CFAP157: variants seen among roughly 807,000 people sequenced by gnomAD.
CFAP157 encodes the protein cilia and flagella associated protein 157.
A neutral mutation model predicts 57.8 loss-of-function variants in CFAP157; 43 were observed. The observed-to-expected ratio is 0.74, with a 90% CI of 0.58 to 0.96. The LOEUF (loss-of-function observed/expected upper bound fraction) is 0.96. Among genes scored for constraint, CFAP157 ranks in the 40% least tolerant of loss-of-function variants. CFAP157 has a pLI of 0.00. For missense variants in CFAP157, 606 were observed against 655.3 expected (o/e 0.92, Z 0.82); for synonymous variants, 267 against 269.0 (o/e 0.99, Z 0.07).
At chr9:127,707,488 T>C (rs1842673579) in intron 1 of CFAP157, among the ~76,000 whole-genome samples, 1 of 150,908 alleles carries the variant, frequency 6.6e-6, no homozygotes, top group African/African-American at 2.4e-5. Flanking sequence ...TCCTGCCCCA[T>C]GGGATCACAG....
chr9:127,714,924 C>CCCCCCCCCCCCCCCAA lies in CFAP157; in HGVS notation c.*1019_*1020insCCCCCCCCCCCCCCAA. ...GTGCTCCCCTCTGGCCCCCGCGCCCCAACCCCCACCCCCTTGGCCCGCCCG... is the reference window on the plus strand; with the variant it reads ...GTGCTCCCCTCTGGCCCCCGCGCCCCCCCCCCCCCCCCCCAAAACCCCCACCCCCTTGGCCCGCCCG... On this transcript the variant is annotated 3_prime_UTR_variant, in exon 9 of 9. Coordinates refer to ENST00000373295, the MANE Select transcript of CFAP157 (RefSeq NM_001012502.3). 1 of 828,396 alleles carries CCCCCCCCCCCCCCCAA rather than the reference C, an allele frequency of 1.2e-6. No individual in the cohort carries two copies. 51.3% of individuals were successfully genotyped at this position (828,396 alleles called of 1,614,324 possible).
rs368267934 is a variant in CFAP157, at chr9:127,711,965, C to T, written c.986+15C>T. On this transcript the variant is annotated intron_variant, in intron 5 of 8. Coordinates refer to ENST00000373295, the MANE Select transcript of CFAP157 (RefSeq NM_001012502.3). ...CAGGCACTGAAGTGCGTATGGCCCA[C>T]GGAGGGGCGGGCGGCGGGTGCAGGC... is the stretch of plus-strand genomic sequence containing the variant. 30 of 1,600,560 alleles carry T rather than the reference C, an allele frequency of 1.9e-5. No homozygotes were observed. Among genetic ancestry groups the T allele is most frequent in the South Asian group, 3.4e-5 (3 of 88,632 alleles).
Position 127,707,205 on chromosome 9 carries a change from G to C in CFAP157, c.161+13G>C, listed in dbSNP as rs532700470. ...ACCGGCTAGCCCGGTGCGTGGGCTG[G>C]CGGGCAGGAGTCTGGTGCCCTGGGT... On this transcript the variant is annotated intron_variant, in intron 1 of 8. Transcript: ENST00000373295. 128 of 1,606,956 alleles carry C rather than the reference G, an allele frequency of 8.0e-5. 1 individual carries two copies. In the South Asian group the frequency reaches 1.3e-3, roughly 16 times the overall value.
chr9:127,711,402 A>C lies in CFAP157; in HGVS notation c.761A>C (p.Gln254Pro). The C allele has an allele frequency of 1.2e-6, 2 of 1,614,208 alleles. No homozygotes were observed. Among genetic ancestry groups the C allele is most frequent in the Non-Finnish European group, 1.7e-6 (2 of 1,180,052 alleles). Residue 254 changes from glutamine to proline, a missense_variant, in exon 4 of 9, where the codon CAG (glutamine) becomes CCG (proline). Physicochemically the swap from Gln to Pro is moderately conservative, Grantham distance 76. Transcript: ENST00000373295. ...ATGAAGCTGCTGCAGGAGAATGAGC[A>C]GCTCAAGGGAAGACAGAACAATCTG... ...QGMKLLQENE[Q>P]LKGRQNNLCK...
Position 127,715,983 on chromosome 9 carries a change from A to G in CFAP157, c.*2078A>G, listed in dbSNP as rs1564373024. On this transcript the variant is annotated 3_prime_UTR_variant, in exon 9 of 9. Transcript: ENST00000373295. This position sits in a 1 kb window ranked among gnomAD's most constrained non-coding sequence, Gnocchi z 5.8. Reference sequence around the variant, plus strand: ...GCTGTAGGCCTCAACCTCTCCAGCTAATAAAAGTTTTCTACCTCCCTCCGG... The same window carrying G: ...GCTGTAGGCCTCAACCTCTCCAGCTGATAAAAGTTTTCTACCTCCCTCCGG... The G allele has an allele frequency of 2.0e-6, 2 of 1,017,480 alleles. No homozygotes were observed. The highest frequency in any genetic ancestry group is 2.4e-5 in the East Asian group (1 of 42,000). 63.0% of individuals were successfully genotyped at this position (1,017,480 alleles called of 1,614,324 possible). A position where few individuals can be genotyped will look rare whatever the true frequency, so the allele number is the denominator to read the frequency against.
In CFAP157 at chr9:127,713,777, G is replaced by A. The variant is rs372758183; in HGVS notation, c.1492-57G>A. 3.7e-5 allele frequency: 54 copies of A among 1,465,092 alleles called. No individual in the cohort carries two copies. The African/African-American group carries it at 6.8e-4, about 18-fold the overall frequency. The allele number at this position is 1,465,092 out of a possible 1,614,324, so 90.8% of individuals were successfully genotyped here. ...CAGCCTCGGCCTCCCAAAGTGCTGG[G>A]ATTATAGGTGTGAGCCACTGCACCC... is the stretch of plus-strand genomic sequence containing the variant. On this transcript the variant is annotated intron_variant, in intron 8 of 8. Transcript: ENST00000373295.
chr9:127,715,892 G>A lies in CFAP157; in HGVS notation c.*1987G>A, dbSNP rs1842970440. The A allele has an allele frequency of 2.5e-6, 2 of 808,084 alleles. No homozygotes were observed. Among genetic ancestry groups the A allele is most frequent in the Non-Finnish European group, 3.8e-6 (2 of 523,552 alleles). The allele number at this position is 808,084 out of a possible 1,614,324, so 50.1% of individuals were successfully genotyped here. ...GGAGCTCTTGCTTGACCTTCGGTTG[G>A]GAGGCCTTGTTATGCCCCCCGCTAT... On this transcript the variant is annotated 3_prime_UTR_variant, in exon 9 of 9. Transcript: ENST00000373295. This position sits in a 1 kb window ranked among gnomAD's most constrained non-coding sequence, Gnocchi z 5.8.
In CFAP157 at chr9:127,715,751, G is replaced by C. The variant is rs1842963786; in HGVS notation, c.*1846G>C. The C allele has an allele frequency of 6.5e-7, 1 of 1,531,442 alleles. No homozygotes were observed. Among genetic ancestry groups the C allele is most frequent in the African/African-American group, 1.4e-5 (1 of 72,758 alleles). The allele number at this position is 1,531,442 out of a possible 1,614,324, so 94.9% of individuals were successfully genotyped here. ...CAACGTCCAATCCGGGCCGGGCTAC[G>C]TGGCCGCCATGCTTCTGAGGGGCGG... On this transcript the variant is annotated 3_prime_UTR_variant, in exon 9 of 9. Coordinates refer to ENST00000373295, the MANE Select transcript of CFAP157 (RefSeq NM_001012502.3). This position sits in a 1 kb window ranked among gnomAD's most constrained non-coding sequence, Gnocchi z 5.8.
chr9:127,711,199 G>T, intron 3 of CFAP157, 30 bp from the exon 4 acceptor site: 4 of 1,608,052 alleles, frequency 2.5e-6, no homozygotes, highest in Non-Finnish European at 3.4e-6. Context: ...CGCTCTGTCT[G>T]ACCCCTTCCC....
At position 127,712,366 on chromosome 9, in the gene CFAP157, G is replaced by T; in HGVS notation, c.1137+17G>T. 1 of 1,613,106 alleles carries T rather than the reference G, an allele frequency of 6.2e-7. No homozygotes were observed. Among genetic ancestry groups the T allele is most frequent in the Non-Finnish European group, 8.5e-7 (1 of 1,179,642 alleles). ...ATTCTGCAGGTGAGCAGAAGGGAGA[G>T]AGGGAGGGCGCAAGGGGAGGGGGAG... On this transcript the variant is annotated intron_variant, in intron 6 of 8. Transcript: ENST00000373295.
Position 127,710,675 on chromosome 9 carries a change from G to C in CFAP157, c.508G>C (p.Glu170Gln). 1 of 1,581,544 alleles carries C rather than the reference G, an allele frequency of 6.3e-7. No individual in the cohort carries two copies. The stretch of plus-strand genomic sequence containing the variant: ...CACGGACAAGTTCACATTGCTGGAG[G>C]AGCAGGTGCGGAAGCAGGAGAATGA... Reference protein sequence around the residue: ...EVTDKFTLLEEQVRKQENEFR... With the variant: ...EVTDKFTLLEQQVRKQENEFR... The change falls in exon 3 of 9, where the codon GAG becomes CAG. Residue 170 changes from glutamate to glutamine, a missense_variant. Coordinates refer to ENST00000373295, the MANE Select transcript of CFAP157 (RefSeq NM_001012502.3).
chr9:127,712,567 TCA>T (rs1481403053), intron 6 of CFAP157, 140 bp from the exon 7 acceptor site: 1 of 1,547,968 alleles, frequency 6.5e-7, no homozygotes, highest in East Asian at 2.4e-5. Context: ...GTCTTGGGCC[TCA>T]GTCTTCCCGA....
In CFAP157 at chr9:127,707,000, C is replaced by T; in HGVS notation, c.-32C>T. 6.2e-7 allele frequency: 1 copy of T among 1,610,566 alleles called. No individual in the cohort carries two copies. The highest frequency in any genetic ancestry group is 8.5e-7 in the Non-Finnish European group (1 of 1,178,202). ...TTCCTTAGCAACCACCTGGCCTCTT[C>T]CTGGGGCCTGGAGCCCTGGTTGCCA... On this transcript the variant is annotated 5_prime_UTR_variant, in exon 1 of 9. Coordinates refer to ENST00000373295, the MANE Select transcript of CFAP157 (RefSeq NM_001012502.3).
Position 127,707,204 on chromosome 9 carries a change from G to A in CFAP157, c.161+12G>A, listed in dbSNP as rs1256630774. 1 of 1,607,744 alleles carries A rather than the reference G, an allele frequency of 6.2e-7. No individual in the cohort carries two copies. The highest frequency in any genetic ancestry group is 2.2e-5 in the East Asian group (1 of 44,788). On this transcript the variant is annotated intron_variant, in intron 1 of 8. Coordinates refer to ENST00000373295, the MANE Select transcript of CFAP157 (RefSeq NM_001012502.3). ...GACCGGCTAGCCCGGTGCGTGGGCT[G>A]GCGGGCAGGAGTCTGGTGCCCTGGG... is the stretch of plus-strand genomic sequence containing the variant.
Position 127,715,859 on chromosome 9 carries a change from G to A in CFAP157, c.*1954G>A, listed in dbSNP as rs1339731862. 8.6e-6 allele frequency: 8 copies of A among 924,934 alleles called. No homozygotes were observed. The highest frequency in any genetic ancestry group is 1.3e-5 in the Non-Finnish European group (8 of 621,550). 57.3% of individuals were successfully genotyped at this position (924,934 alleles called of 1,614,324 possible). A position where few individuals can be genotyped will look rare whatever the true frequency, so the allele number is the denominator to read the frequency against. On this transcript the variant is annotated 3_prime_UTR_variant, in exon 9 of 9. Transcript: ENST00000373295. This position sits in a 1 kb window ranked among gnomAD's most constrained non-coding sequence, Gnocchi z 5.8. ...ACAGTGTCCCTTCGGGACTTGTGTG[G>A]GACGCTCGGAGCTCTTGCTTGACCT...
rs1350217876 is a variant in CFAP157, at chr9:127,714,771, T to C, written c.*866T>C. The C allele has an allele frequency of 7.5e-7, 1 of 1,334,324 alleles. No individual in the cohort carries two copies. Among genetic ancestry groups the C allele is most frequent in the African/African-American group, 1.5e-5 (1 of 68,626 alleles). The allele number at this position is 1,334,324 out of a possible 1,614,324, so 82.7% of individuals were successfully genotyped here. On this transcript the variant is annotated 3_prime_UTR_variant, in exon 9 of 9. Transcript: ENST00000373295. ...CAGAGAGGCACTGTCCCGACTCCCA[T>C]GATGAGGGACCACAACTAATCCCAC...
intron 4 of CFAP157, 88 bp downstream of exon 4, chr9:127,711,584 T>C: frequency 6.6e-7 from 1 of 1,507,262 alleles, no homozygotes; most frequent in East Asian, 2.3e-5. Context: ...TCAGGGGCAG[T>C]CAAGTCAGGA....
At position 127,713,949 on chromosome 9, in the gene CFAP157, C is replaced by A; in HGVS notation, c.*44C>A. ...TACTCCAGAAATGGACTGGTCCAGT[C>A]ACAGTCACCCCCACTTTAATCCGCA... On this transcript the variant is annotated 3_prime_UTR_variant, in exon 9 of 9. Coordinates refer to ENST00000373295, the MANE Select transcript of CFAP157 (RefSeq NM_001012502.3). 6.3e-7 allele frequency: 1 copy of A among 1,590,114 alleles called. No homozygotes were observed. The highest frequency in any genetic ancestry group is 1.1e-5 in the South Asian group (1 of 90,484).
In CFAP157 at chr9:127,709,287, G is replaced by C; in HGVS notation, c.162-135G>C. 1.1e-6 allele frequency: 1 copy of C among 873,274 alleles called. No homozygotes were observed. Among genetic ancestry groups the C allele is most frequent in the Non-Finnish European group, 1.7e-6 (1 of 573,878 alleles). The allele number at this position is 873,274 out of a possible 1,614,324, so 54.1% of individuals were successfully genotyped here. A position where few individuals can be genotyped will look rare whatever the true frequency, so the allele number is the denominator to read the frequency against. ...CGGACCAAGGGGCATAGTGGGAGAT[G>C]AGGCTGGATTCTGATCACAAGGAAA... On this transcript the variant is annotated intron_variant, in intron 1 of 8. Transcript: ENST00000373295. The surrounding 1 kb of genome is among the most constrained non-coding windows in gnomAD (Gnocchi z 4.7).
Sources: allele counts gnomAD v4.1 joint callset (sites outside exome capture counted in the v4.1 genomes callset), GRCh38; gene constraint gnomAD v4.1.1; non-coding constraint Gnocchi (gnomAD v3.1); transcripts MANE v1.5; gene names NCBI Gene and HGNC (gene_info 2026-07-23, HGNC 2026-07-21).